The following SGCZ variants were observed in gnomAD, a reference collection of about 807,000 sequenced individuals.
SGCZ encodes the protein sarcoglycan zeta, also known as zeta-sarcoglycan.
Under a neutral mutation model 41.3 loss-of-function variants are expected in SGCZ, and 40 were observed. The ratio of observed to expected loss-of-function variants is 0.97; its 90% CI spans 0.75 to 1.26. The LOEUF (loss-of-function observed/expected upper bound fraction) is 1.26. Among genes scored for constraint, SGCZ ranks in the 50% most tolerant of loss-of-function variants. The pLI is 0.00. For missense variants in SGCZ, 552 were observed against 369.8 expected, an observed-to-expected ratio of 1.49 and a Z score of -4.04; for synonymous variants, 206 against 137.5, an observed-to-expected ratio of 1.50 and a Z score of -3.49.
intron 1 of SGCZ, among the ~76,000 whole-genome samples, chr8:14,930,010 A>T (rs1322958084): frequency 6.6e-6 from 1 of 152,048 alleles, no homozygotes; most frequent in Admixed American, 6.5e-5. Context: ...ACATCCCTGA[A>T]CTTTGAGAGA....
intron 2 of SGCZ, among the ~76,000 whole-genome samples, chr8:14,484,161 T>G (rs13279691): frequency 0.21 from 32,187 of 152,184 alleles, 3,486 homozygotes; most frequent in Admixed American, 0.24. Context: ...TACACTATAT[T>G]TATTAAGATT....
intron 1 of SGCZ, among the ~76,000 whole-genome samples, chr8:14,939,101 G>T (rs1190916430): frequency 3.3e-5 from 5 of 152,064 alleles, no homozygotes; most frequent in Admixed American, 1.3e-4. Context: ...GACCTTTCCA[G>T]GTACTTCAAT....
chr8:14,850,062 T>A (rs1232495012), intron 1 of SGCZ, among the ~76,000 whole-genome samples: 1 of 152,192 alleles, frequency 6.6e-6, no homozygotes, highest in East Asian at 1.9e-4. Context: ...CTCTTCTATA[T>A]ATAGGCTGAA....
intron 2 of SGCZ, among the ~76,000 whole-genome samples, chr8:14,506,129 A>T (rs1475610888): frequency 3.3e-5 from 5 of 152,092 alleles, no homozygotes; most frequent in Non-Finnish European, 5.9e-5. Context: ...TGAGGTCAGG[A>T]GTTCAAGACC....
At chr8:14,845,477 A>C (rs1563310856) in intron 1 of SGCZ, among the ~76,000 whole-genome samples, 1 of 152,198 alleles carries the variant, frequency 6.6e-6, no homozygotes, top group Non-Finnish European at 1.5e-5. Flanking sequence ...AAGCAGGAAA[A>C]TGTGACACAT....
intron 1 of SGCZ, among the ~76,000 whole-genome samples, chr8:14,941,877 A>G (rs1800286694): frequency 6.6e-6 from 1 of 151,378 alleles, no homozygotes; most frequent in South Asian, 2.1e-4. Context: ...TCTATATTTT[A>G]TATATATGTT....
At chr8:15,109,309 AACTTACAAATCAACTAAAATTC>A (rs1409842637) in intron 1 of SGCZ, among the ~76,000 whole-genome samples, 1 of 152,168 alleles carries the variant, frequency 6.6e-6, no homozygotes, top group East Asian at 1.9e-4. Context: ...ATTCATAAGC[AACTTACAAATCAACTAAAATTC>A]ATGTTTCTAG....
chr8:14,495,984 G>A (rs772269842), intron 2 of SGCZ, among the ~76,000 whole-genome samples: 11 of 152,046 alleles, frequency 7.2e-5, no homozygotes, highest in Non-Finnish European at 1.5e-4. Flanking sequence ...CTGGAACACT[G>A]GGAATACACA....
At chr8:14,448,787 C>T (rs965817974) in intron 2 of SGCZ, among the ~76,000 whole-genome samples, 7 of 152,146 alleles carry the variant, frequency 4.6e-5, no homozygotes, top group Non-Finnish European at 1.5e-5. Flanking sequence ...AGTTCAACGT[C>T]TGCCCTACCA....
rs534806642 is a variant in SGCZ at position 15,024,637 on chromosome 8, T to C, written c.39+212948A>G. Among the ~76,000 whole-genome samples, 93 of 152,208 alleles carry C rather than the reference T, an allele frequency of 6.1e-4. 1 individual carries two copies. Among genetic ancestry groups the C allele is most frequent in the Admixed American group, 9.8e-4 (15 of 15,290 alleles). ...TTACCCTCGTTAGCAGAAGCATTAG[T>C]AATAATAATACAGTGGTCAGGCCGG... On this transcript the variant is annotated intron_variant, in intron 1 of 7. Transcript: ENST00000382080.
intron 5 of SGCZ, among the ~76,000 whole-genome samples, chr8:14,126,797 T>C (rs968476871): frequency 2.0e-5 from 3 of 152,152 alleles, no homozygotes; most frequent in Admixed American, 6.5e-5. Context: ...CGGAATACTA[T>C]GCAGCCATAA....
intron 7 of SGCZ, among the ~76,000 whole-genome samples, chr8:14,096,016 G>C (rs1487101497): frequency 6.6e-6 from 1 of 151,992 alleles, no homozygotes; most frequent in African/African-American, 2.4e-5. Flanking sequence ...GAGATGATGG[G>C]GTTTTCTAAA....
chr8:14,277,664 T>C (rs537128343), intron 3 of SGCZ, among the ~76,000 whole-genome samples: 25 of 152,258 alleles, frequency 1.6e-4, no homozygotes, highest in Admixed American at 1.4e-3. Context: ...AGTATGGTGT[T>C]CTGGCATGCT....
chr8:14,421,810 T>C (rs1001151589), intron 2 of SGCZ, among the ~76,000 whole-genome samples: 3 of 152,208 alleles, frequency 2.0e-5, no homozygotes, highest in East Asian at 1.9e-4. Context: ...ATAAAATATA[T>C]ACTAAATTTT....
chr8:14,616,714 A>G lies in SGCZ; in HGVS notation c.40-61788T>C, dbSNP rs1806117719. Among the ~76,000 whole-genome samples the G allele has an allele frequency of 3.9e-5, 6 of 152,144 alleles. No homozygotes were observed. The South Asian group carries it at 1.2e-3, about 31-fold the overall frequency. On this transcript the variant is annotated intron_variant, in intron 1 of 7. Coordinates refer to ENST00000382080, the MANE Select transcript of SGCZ (RefSeq NM_139167.4). ...TTGTTTTTCAGGACACGTTTAATTT[A>G]GACTAGATATAACCAGATCCCAATT... is the stretch of plus-strand genomic sequence containing the variant.
chr8:15,066,196 T>A (rs1805136157), intron 1 of SGCZ, among the ~76,000 whole-genome samples: 1 of 151,592 alleles, frequency 6.6e-6, no homozygotes, highest in South Asian at 2.1e-4. Flanking sequence ...TAGTCCCAGC[T>A]ACTGGGGAGG....
intron 3 of SGCZ, among the ~76,000 whole-genome samples, chr8:14,317,608 G>A (rs553498303): frequency 3.8e-4 from 58 of 151,870 alleles, no homozygotes; most frequent in South Asian, 6.2e-4. Context: ...ATGACTAACA[G>A]GAAATATGCA....
chr8:14,204,456 A>T (rs1295746032), intron 4 of SGCZ, among the ~76,000 whole-genome samples: 3 of 151,912 alleles, frequency 2.0e-5, no homozygotes, highest in Non-Finnish European at 4.4e-5. Flanking sequence ...GTCTTCCAAA[A>T]CCATTGTTGA....
chr8:14,581,694 G>C (rs1356343665), intron 1 of SGCZ, among the ~76,000 whole-genome samples: 1 of 152,074 alleles, frequency 6.6e-6, no homozygotes, highest in Non-Finnish European at 1.5e-5. Context: ...AAAAAGCAAA[G>C]CACTTACTGC....
Sources: allele counts gnomAD v4.1 joint callset (sites outside exome capture counted in the v4.1 genomes callset), GRCh38; gene constraint gnomAD v4.1.1; transcripts MANE v1.5; gene names NCBI Gene and HGNC (gene_info 2026-07-23, HGNC 2026-07-21).